HS1BP3: variants seen among roughly 807,000 people sequenced by gnomAD.
The protein encoded by HS1BP3 is HCLS1 binding protein 3.
HS1BP3 carries 32 observed loss-of-function variants against 33.5 expected under a neutral mutation model. The observed-to-expected ratio is 0.95, with a 90% CI of 0.72 to 1.28. The LOEUF is 1.28. Among genes scored for constraint, HS1BP3 ranks in the 50% most tolerant of loss-of-function variants. The pLI is 0.00. For missense variants in HS1BP3, 486 were observed against 502.3 expected, an observed-to-expected ratio of 0.97 and a Z score of 0.31; for synonymous variants, 187 against 209.2, an observed-to-expected ratio of 0.89 and a Z score of 0.92.
At chr2:20,628,617 A>C (rs111807737) in intron 4 of HS1BP3, among the ~76,000 whole-genome samples, 1 of 148,938 alleles carries the variant, frequency 6.7e-6, no homozygotes, top group South Asian at 2.2e-4. Flanking sequence ...CCTGGGTGAC[A>C]AAGTGAGACT....
the HS1BP3 span, among the ~76,000 whole-genome samples, chr2:20,554,706 CAAA>C: frequency 1.9e-5 from 2 of 104,520 alleles, no homozygotes. Flanking sequence ...CTCCACCTCA[CAAA>C]AAAAAAAAAA....
downstream of HS1BP3, among the ~76,000 whole-genome samples, chr2:20,589,369 A>T (rs1693757360): frequency 6.6e-6 from 1 of 152,154 alleles, no homozygotes. Flanking sequence ...CACTCTTGAC[A>T]CTAAACCCCT....
At chr2:20,617,518 C>T (rs898086386), downstream of HS1BP3, among the ~76,000 whole-genome samples, 8 of 152,240 alleles carry the variant, frequency 5.3e-5, no homozygotes, top group Middle Eastern at 3.4e-3. Flanking sequence ...TGGAGAGGGA[C>T]GTGATCAGAT....
chr2:20,647,948 G>A (rs939597723), intron 1 of HS1BP3, among the ~76,000 whole-genome samples: 2 of 152,120 alleles, frequency 1.3e-5, no homozygotes, highest in East Asian at 1.9e-4. Flanking sequence ...AGAGACCATC[G>A]GAGAACATCC....
downstream of HS1BP3, among the ~76,000 whole-genome samples, chr2:20,556,520 G>A (rs763843791): frequency 1.3e-5 from 2 of 152,112 alleles, no homozygotes; most frequent in South Asian, 4.1e-4. Context: ...CAAGGTTACC[G>A]CATTTCTAAG....
intron 5 of HS1BP3, among the ~76,000 whole-genome samples, chr2:20,573,047 G>A (rs1287731589): frequency 6.6e-6 from 1 of 152,184 alleles, no homozygotes; most frequent in Admixed American, 6.5e-5. Flanking sequence ...CTAATCCCTA[G>A]AATCTGTAAA....
At chr2:20,567,775 T>C (rs2149271401) in intron 5 of HS1BP3, among the ~76,000 whole-genome samples, 1 of 152,198 alleles carries the variant, frequency 6.6e-6, no homozygotes, top group East Asian at 1.9e-4. Flanking sequence ...TCCCTGGGAG[T>C]AGCTGAGCTT....
Position 20,623,947 on chromosome 2 carries a change from C to T in HS1BP3, c.869G>A (p.Gly290Glu), listed in dbSNP as rs1490968160. 1 of 1,612,640 alleles carries T rather than the reference C, an allele frequency of 6.2e-7. No individual in the cohort carries two copies. The highest frequency in any genetic ancestry group is 2.2e-5 in the East Asian group (1 of 44,864). The change falls in exon 6 of 7, where the codon GGA (glycine) becomes GAA (glutamate). Residue 290 changes from glycine (G) to glutamate (E), a missense_variant. Coordinates refer to ENST00000304031, the MANE Select transcript of HS1BP3 (RefSeq NM_022460.4). Reference protein sequence around the residue: ...SLLLPAACESGGPTPSLSHRD... With the variant: ...SLLLPAACESEGPTPSLSHRD... ...GTGGCTGAGGCTGGGTGTGGGCCCT[C>T]CACTCTCACAGGCGGCTGGCAGCAG...
chr2:20,614,058 GAC>G (rs1340435906), downstream of HS1BP3, among the ~76,000 whole-genome samples: 2 of 152,174 alleles, frequency 1.3e-5, no homozygotes, highest in Non-Finnish European at 2.9e-5. Context: ...TTTGGGCACA[GAC>G]ACAGAGAAGA....
intron 2 of HS1BP3, among the ~76,000 whole-genome samples, chr2:20,599,646 A>ACACT (rs1191604253): frequency 1.5e-5 from 2 of 136,614 alleles, no homozygotes; most frequent in African/African-American, 3.1e-5. Context: ...ACACACACAC[A>ACACT]CACTCTGTTT....
intron 5 of HS1BP3, among the ~76,000 whole-genome samples, chr2:20,567,009 C>T (rs1693145603): frequency 6.6e-6 from 1 of 152,190 alleles, no homozygotes; most frequent in Non-Finnish European, 1.5e-5. Flanking sequence ...CTGTCCCCCT[C>T]TCAGAATCTC....
At chr2:20,614,080 A>AAGACAC (rs1375552006), downstream of HS1BP3, among the ~76,000 whole-genome samples, 1 of 152,232 alleles carries the variant, frequency 6.6e-6, no homozygotes, top group Non-Finnish European at 1.5e-5. Context: ...ACACCGTGTG[A>AAGACAC]AGACACAGAC....
At chr2:20,626,984 C>A (rs1694805657) in intron 4 of HS1BP3, among the ~76,000 whole-genome samples, 1 of 152,190 alleles carries the variant, frequency 6.6e-6, no homozygotes, top group Admixed American at 6.5e-5. Flanking sequence ...GCAAAGCTGA[C>A]CCCAGCCAAG....
downstream of HS1BP3, among the ~76,000 whole-genome samples, chr2:20,557,834 T>C (rs998755492): frequency 2.0e-5 from 3 of 152,068 alleles, no homozygotes; most frequent in Non-Finnish European, 4.4e-5. Flanking sequence ...CAAGATGGTG[T>C]GGGTTTAGGG....
intron 1 of HS1BP3, among the ~76,000 whole-genome samples, chr2:20,649,077 G>A (rs1695606360): frequency 6.6e-6 from 1 of 152,202 alleles, no homozygotes; most frequent in Non-Finnish European, 1.5e-5. Context: ...TGCTCAGCTC[G>A]GCCACTGCCC....
At chr2:20,568,124 C>T (rs1243006262) in intron 5 of HS1BP3, among the ~76,000 whole-genome samples, 1 of 152,192 alleles carries the variant, frequency 6.6e-6, no homozygotes, top group African/African-American at 2.4e-5. Context: ...AATCCCTATA[C>T]TCAGGGCCAT....
intron 5 of HS1BP3, among the ~76,000 whole-genome samples, chr2:20,568,697 C>A (rs1022721091): frequency 3.3e-5 from 5 of 152,142 alleles, no homozygotes; most frequent in African/African-American, 1.2e-4. Context: ...GGCAGCTGCC[C>A]AGGCCACATC....
intron 2 of HS1BP3, 151 bp from the exon 3 acceptor site, chr2:20,641,331 G>A: frequency 1.5e-6 from 1 of 666,028 alleles, no homozygotes; most frequent in South Asian, 1.8e-5. Flanking sequence ...CCCAGCCTCA[G>A]GCTCCAGTCC....
chr2:20,645,101 A>T (rs1258041353), intron 2 of HS1BP3, among the ~76,000 whole-genome samples: 1 of 152,060 alleles, frequency 6.6e-6, no homozygotes, highest in Non-Finnish European at 1.5e-5. Flanking sequence ...AGAGCCCCCC[A>T]GGTGCTCCTG....
Sources: allele counts gnomAD v4.1 joint callset (sites outside exome capture counted in the v4.1 genomes callset), GRCh38; gene constraint gnomAD v4.1.1; transcripts MANE v1.5; gene names NCBI Gene and HGNC (gene_info 2026-07-23, HGNC 2026-07-21).